The following FAF1 variants were observed in gnomAD, a reference collection of about 807,000 sequenced individuals.
FAF1 encodes the protein Fas associated factor 1, also known as FAS-associated factor 1.
Under a neutral mutation model 92.5 loss-of-function variants are expected in FAF1, and 25 were observed. The ratio of observed to expected loss-of-function variants is 0.27; its 90% CI spans 0.20 to 0.38. FAF1 has a LOEUF of 0.38. Ranked by LOEUF, FAF1 falls within the 10% of genes least tolerant of loss-of-function variation. The pLI is 1.00. For missense variants in FAF1, 636 were observed against 793.3 expected, an observed-to-expected ratio of 0.80 and a Z score of 2.38; for synonymous variants, 234 against 273.2, an observed-to-expected ratio of 0.86 and a Z score of 1.42.
chr1:50,687,901 C>T (rs1656741348), intron 7 of FAF1, among the ~76,000 whole-genome samples: 2 of 151,908 alleles, frequency 1.3e-5, no homozygotes, highest in East Asian at 3.9e-4. Context: ...TTTGTGAGGC[C>T]AAGGCGGGCG....
chr1:50,587,097 T>C (rs1037440032), intron 9 of FAF1, among the ~76,000 whole-genome samples: 1 of 152,182 alleles, frequency 6.6e-6, no homozygotes. Context: ...AAGGGAATGT[T>C]CTATATATAC....
chr1:50,661,242 C>T (rs72900944), intron 7 of FAF1, among the ~76,000 whole-genome samples: 10,075 of 152,090 alleles, frequency 0.066, 412 homozygotes, highest in East Asian at 0.091. Context: ...CACTGGTTTC[C>T]CAGAAAACTA....
chr1:50,820,500 T>C (rs1022525280), intron 2 of FAF1, among the ~76,000 whole-genome samples: 13 of 152,106 alleles, frequency 8.5e-5, no homozygotes, highest in Admixed American at 2.0e-4. Flanking sequence ...TGTGTCCATG[T>C]GTGACAAGGA....
At chr1:50,569,026 T>G (rs1475335622) in intron 12 of FAF1, among the ~76,000 whole-genome samples, 9 of 152,122 alleles carry the variant, frequency 5.9e-5, no homozygotes, top group Non-Finnish European at 1.3e-4. Flanking sequence ...GGCAATAAAA[T>G]GGTGAACAAG....
At chr1:50,829,636 T>C (rs114591390) in intron 2 of FAF1, among the ~76,000 whole-genome samples, 139 of 152,306 alleles carry the variant, frequency 9.1e-4, no homozygotes, top group African/African-American at 3.2e-3. Context: ...AAAAGTCCAT[T>C]TCTCTTTCAG....
intron 13 of FAF1, among the ~76,000 whole-genome samples, chr1:50,557,558 T>G (rs541642688): frequency 1.8e-4 from 28 of 152,300 alleles, no homozygotes; most frequent in Non-Finnish European, 4.1e-4. Flanking sequence ...ACATTAAGAT[T>G]GTTGGGCTTT....
chr1:50,828,054 T>C (rs995467861), intron 2 of FAF1, among the ~76,000 whole-genome samples: 4 of 152,072 alleles, frequency 2.6e-5, no homozygotes, highest in Admixed American at 6.6e-5. Context: ...CAAGACCATC[T>C]TAGTAAAGAA....
At chr1:50,493,766 A>T (rs571286492) in intron 15 of FAF1, among the ~76,000 whole-genome samples, 3 of 152,364 alleles carry the variant, frequency 2.0e-5, no homozygotes, top group Non-Finnish European at 2.9e-5. Context: ...TTACAGCAAC[A>T]ATTAAAGAAA....
intron 4 of FAF1, among the ~76,000 whole-genome samples, chr1:50,747,985 C>T (rs1659695675): frequency 6.6e-6 from 1 of 152,194 alleles, no homozygotes; most frequent in African/African-American, 2.4e-5. Flanking sequence ...GCCATGCTTC[C>T]TGTATAGCCT....
chr1:50,524,309 C>A (rs565776419), intron 15 of FAF1, among the ~76,000 whole-genome samples: 10 of 152,284 alleles, frequency 6.6e-5, no homozygotes, highest in Non-Finnish European at 1.3e-4. Context: ...GTACAGTTTG[C>A]AAAAATTTTC....
intron 6 of FAF1, among the ~76,000 whole-genome samples, chr1:50,724,276 T>TAC (rs1281878722): frequency 0.058 from 6,673 of 114,608 alleles, 315 homozygotes; most frequent in African/African-American, 0.16. Context: ...TATATACATA[T>TAC]ACACACACAC....
intron 12 of FAF1, among the ~76,000 whole-genome samples, chr1:50,568,390 C>T (rs554492478): frequency 3.3e-5 from 5 of 152,026 alleles, no homozygotes; most frequent in Admixed American, 2.0e-4. Context: ...AAGGCTCATG[C>T]TGATGAAAGG....
chr1:50,688,600 G>A lies in FAF1; in HGVS notation c.657+17186C>T, dbSNP rs185837659. ...GGCCAAGGTGGGTGGATCACCTGAG[G>A]GCGGAAGTTCGAGACCAACCTGACC... On this transcript the variant is annotated intron_variant, in intron 7 of 18. Coordinates refer to ENST00000396153, the MANE Select transcript of FAF1 (RefSeq NM_007051.3). 1.3e-3 allele frequency among the ~76,000 whole-genome samples: 202 copies of A among 152,238 alleles called. 1 individual carries two copies. Among genetic ancestry groups the A allele is most frequent in the Non-Finnish European group, 2.0e-3 (136 of 68,026 alleles).
chr1:50,819,740 C>CAT (rs1553142997), intron 2 of FAF1, among the ~76,000 whole-genome samples: 5 of 28,036 alleles, frequency 1.8e-4, no homozygotes, highest in Admixed American at 5.1e-4. Flanking sequence ...CATATATATA[C>CAT]ATATATATAT....
At chr1:50,685,905 C>T (rs1477006103) in intron 7 of FAF1, among the ~76,000 whole-genome samples, 1 of 152,208 alleles carries the variant, frequency 6.6e-6, no homozygotes, top group Non-Finnish European at 1.5e-5. Flanking sequence ...ATTCTCCTTT[C>T]TAATGGATCT....
chr1:50,813,959 G>A (rs1451560963), intron 2 of FAF1, among the ~76,000 whole-genome samples: 1 of 152,028 alleles, frequency 6.6e-6, no homozygotes, highest in Non-Finnish European at 1.5e-5. Context: ...ACTACAGATA[G>A]TACCACACCA....
At chr1:50,683,013 C>T (rs188214711) in intron 7 of FAF1, among the ~76,000 whole-genome samples, 50 of 151,712 alleles carry the variant, frequency 3.3e-4, no homozygotes, top group Middle Eastern at 3.4e-3. Context: ...AGCCTGGTGA[C>T]AGAGCAAGAC....
intron 1 of FAF1, among the ~76,000 whole-genome samples, chr1:50,931,030 T>C (rs1402214297): frequency 6.6e-6 from 1 of 152,218 alleles, no homozygotes; most frequent in Non-Finnish European, 1.5e-5. Context: ...TCCATCCTTT[T>C]ATTTACAACC....
intron 1 of FAF1, among the ~76,000 whole-genome samples, chr1:50,907,294 G>A (rs930833704): frequency 6.6e-6 from 1 of 152,202 alleles, no homozygotes; most frequent in Non-Finnish European, 1.5e-5. Flanking sequence ...GTATTTTATT[G>A]AGGATTTCTG....
Sources: allele counts gnomAD v4.1 joint callset (sites outside exome capture counted in the v4.1 genomes callset), GRCh38; gene constraint gnomAD v4.1.1; transcripts MANE v1.5; gene names NCBI Gene and HGNC (gene_info 2026-07-23, HGNC 2026-07-21).